STRIP2: variants seen among roughly 807,000 people sequenced by gnomAD.
The protein encoded by STRIP2 is striatin-interacting protein 2.
Under a neutral mutation model 107.1 loss-of-function variants are expected in STRIP2, and 84 were observed. That is an observed-to-expected ratio of 0.78 (90% CI 0.66 to 0.94). The LOEUF (loss-of-function observed/expected upper bound fraction) is 0.94, where lower values mean the gene tolerates loss of function less well. STRIP2 is among the 40% of genes least tolerant of loss of function. The probability of loss-of-function intolerance (pLI) is 0.00; values close to 1 mark genes in which losing one functional copy is unlikely to be tolerated. For missense variants in STRIP2, 888 were observed against 1,034.2 expected (o/e 0.86, Z 1.94); for synonymous variants, 394 against 400.4 (o/e 0.98, Z 0.19).
Position 129,434,582 on chromosome 7 carries a change from G to A in STRIP2, c.110G>A (p.Ser37Asn). The A allele has an allele frequency of 6.6e-7, 1 of 1,514,084 alleles. No homozygotes were observed. The highest frequency in any genetic ancestry group is 8.8e-7 in the Non-Finnish European group (1 of 1,137,378). The allele number at this position is 1,514,084 out of a possible 1,614,324, so 93.8% of individuals were successfully genotyped here. Reference protein sequence around the residue: ...AAPKGREAFRSQRRESEGSVD... With the variant: ...AAPKGREAFRNQRRESEGSVD... The stretch of plus-strand genomic sequence containing the variant: ...CCCAAGGGCCGCGAAGCGTTCCGAA[G>A]CCAGCGGCGGGAGTCAGAGGTGAGG... The change falls in exon 1 of 21, where the codon AGC becomes AAC. Residue 37 changes from serine (S) to asparagine (N), a missense_variant. Physicochemically the swap from Ser to Asn is conservative, Grantham distance 46 (BLOSUM62 1). Transcript: ENST00000249344.
chr7:129,451,238 C>T (rs972661031), intron 3 of STRIP2, among the ~76,000 whole-genome samples: 2 of 151,888 alleles, frequency 1.3e-5, no homozygotes, highest in Admixed American at 6.6e-5. Context: ...CGCACCCGGC[C>T]GAGAAAGGTC....
chr7:129,450,852 T>C (rs1798165180), intron 3 of STRIP2, among the ~76,000 whole-genome samples: 1 of 148,420 alleles, frequency 6.7e-6, no homozygotes, highest in African/African-American at 2.5e-5. Context: ...AAAAATGCTG[T>C]GTCAGAAAAG....
intron 1 of STRIP2, among the ~76,000 whole-genome samples, chr7:129,438,760 A>G (rs186182577): frequency 6.6e-6 from 1 of 152,360 alleles, no homozygotes; most frequent in Admixed American, 6.5e-5. Flanking sequence ...AGCGGTTATC[A>G]TGATCTTCCT....
Position 129,451,720 on chromosome 7 carries a change from G to T in STRIP2, c.382G>T (p.Ala128Ser). The T allele has an allele frequency of 6.2e-7, 1 of 1,613,912 alleles. No individual in the cohort carries two copies. Among genetic ancestry groups the T allele is most frequent in the Non-Finnish European group, 8.5e-7 (1 of 1,180,022 alleles). The change falls in exon 4 of 21, where the codon GCC becomes TCC. Residue 128 changes from alanine to serine, a missense_variant. Physicochemically the swap from Ala to Ser is moderately conservative, Grantham distance 99 (BLOSUM62 1). Transcript: ENST00000249344. ...VVSRERRLKV[A>S]RAVLYLAQGT... ...CAGTAGGGAACGGCGGCTGAAGGTG[G>T]CCCGGGCTGTTCTCTACCTGGCCCA...
chr7:129,453,096 C>T, intron 4 of STRIP2, 131 bp from the exon 5 acceptor site: 1 of 1,330,470 alleles, frequency 7.5e-7, no homozygotes, highest in South Asian at 1.4e-5. Context: ...TTCTTGGGGC[C>T]CCTGTCATAC....
chr7:129,478,886 T>C (rs1799041636), intron 18 of STRIP2, among the ~76,000 whole-genome samples: 1 of 152,234 alleles, frequency 6.6e-6, no homozygotes, highest in Non-Finnish European at 1.5e-5. Flanking sequence ...AGGCTTTTTA[T>C]GCCTCTACCG....
chr7:129,456,555 C>T lies in STRIP2; in HGVS notation c.951C>T (p.Ala317=), dbSNP rs1483845067. Residue 317 remains alanine, a synonymous_variant, in exon 9 of 21, where the codon GCC becomes GCT. Coordinates refer to ENST00000249344, the MANE Select transcript of STRIP2 (RefSeq NM_020704.3). ...SIQVVKSMRA[A]SPPSYTLDLG... is the part of the protein sequence containing the mutation. Reference sequence around the variant, plus strand: ...AGGTGGTGAAGAGCATGCGTGCTGCCTCCCCGCCCTCTTACACTCTTGACC... The same window carrying T: ...AGGTGGTGAAGAGCATGCGTGCTGCTTCCCCGCCCTCTTACACTCTTGACC... 1 of 1,614,022 alleles carries T rather than the reference C, an allele frequency of 6.2e-7. No individual in the cohort carries two copies. Among genetic ancestry groups the T allele is most frequent in the Non-Finnish European group, 8.5e-7 (1 of 1,180,024 alleles).
At chr7:129,444,860 C>T (rs1797993801) in intron 3 of STRIP2, among the ~76,000 whole-genome samples, 1 of 152,018 alleles carries the variant, frequency 6.6e-6, no homozygotes, top group Non-Finnish European at 1.5e-5. Context: ...GTCAATAAAT[C>T]TTATGTCACA....
At position 129,470,691 on chromosome 7, in the gene STRIP2, G is replaced by C; in HGVS notation, c.1920G>C (p.Leu640Phe). ...ATCCTTGCTGTACCATCCAGGATTTGCCGGAGCTTACTACTGAAAGTCTGG... is the reference window on the plus strand; with the variant it reads ...ATCCTTGCTGTACCATCCAGGATTTCCCGGAGCTTACTACTGAAAGTCTGG... The part of the protein sequence containing the change: ...LDYPCCTIQD[L>F]PELTTESLEA... The change falls in exon 18 of 21, where the codon TTG becomes TTC. Residue 640 changes from leucine to phenylalanine, a missense_variant. Physicochemically the swap from Leu to Phe is conservative, Grantham distance 22. Coordinates refer to ENST00000249344, the MANE Select transcript of STRIP2 (RefSeq NM_020704.3). 1.2e-6 allele frequency: 2 copies of C among 1,614,032 alleles called. No homozygotes were observed. The highest frequency in any genetic ancestry group is 1.7e-6 in the Non-Finnish European group (2 of 1,179,886).
intron 18 of STRIP2, among the ~76,000 whole-genome samples, chr7:129,474,017 C>A (rs1798856602): frequency 6.6e-6 from 1 of 152,108 alleles, no homozygotes. Flanking sequence ...GCACGCAGCC[C>A]AGGACATAAT....
Position 129,485,576 on chromosome 7 carries a change from C to T in STRIP2, c.2255-3C>T, listed in dbSNP as rs532628965. 1 of 1,613,632 alleles carries T rather than the reference C, an allele frequency of 6.2e-7. No homozygotes were observed. The highest frequency in any genetic ancestry group is 1.7e-5 in the Admixed American group (1 of 59,946). ...TCTTCTTCTTCCTCTCTTTCCAACA[C>T]AGACATCGATGCCAGACCATGGGAC... On this transcript the variant is annotated splice_polypyrimidine_tract_variant and splice_region_variant and intron_variant, in intron 20 of 20. Transcript: ENST00000249344.
intron 6 of STRIP2, 97 bp from the exon 7 acceptor site, chr7:129,454,324 C>A (rs1798279510): frequency 7.5e-6 from 11 of 1,459,056 alleles, no homozygotes; most frequent in Non-Finnish European, 1.1e-5. Context: ...TAGCTAATCT[C>A]ACTGGGTTGG....
intron 1 of STRIP2, among the ~76,000 whole-genome samples, chr7:129,438,451 C>T (rs552239756): frequency 5.3e-5 from 8 of 152,276 alleles, no homozygotes; most frequent in African/African-American, 1.4e-4. Flanking sequence ...CATAGTGCTA[C>T]GAAGTGCTAG....
intron 17 of STRIP2, 39 bp from the exon 18 acceptor site, chr7:129,470,610 C>T (rs1257138091): frequency 6.5e-7 from 1 of 1,543,002 alleles, no homozygotes; most frequent in Non-Finnish European, 9.0e-7. Flanking sequence ...CTGCTGTTGC[C>T]ATTTACCTAA....
At chr7:129,465,204 T>G (rs1798643347) in intron 16 of STRIP2, among the ~76,000 whole-genome samples, 1 of 152,072 alleles carries the variant, frequency 6.6e-6, no homozygotes, top group South Asian at 2.1e-4. Flanking sequence ...TAGCCAATTA[T>G]AGAGAGATAA....
In STRIP2 at chr7:129,464,078, C is replaced by T. The variant is rs778202089; in HGVS notation, c.1586C>T (p.Pro529Leu). The change falls in exon 15 of 21, where the codon CCC becomes CTC. Residue 529 changes from proline (P) to leucine (L), a missense_variant. Transcript: ENST00000249344. ...CTTAAGATTCTGCTGGCTGCAGCTC[C>T]CACCTCTAAGGCTAAGACAGACTCT... ...ALLKILLAAAPTSKAKTDSIN... is the reference protein window; with the variant it reads ...ALLKILLAAALTSKAKTDSIN... The T allele has an allele frequency of 1.2e-6, 2 of 1,613,632 alleles. No homozygotes were observed. Among genetic ancestry groups the T allele is most frequent in the Admixed American group, 1.7e-5 (1 of 60,014 alleles).
intron 3 of STRIP2, among the ~76,000 whole-genome samples, chr7:129,450,386 A>G: frequency 6.6e-6 from 1 of 152,190 alleles, no homozygotes; most frequent in East Asian, 1.9e-4. Flanking sequence ...GAGTAGAAGC[A>G]TGAGAAGCTG....
Position 129,455,245 on chromosome 7 carries a change from C to T in STRIP2, c.708C>T (p.Ser236=). 1 of 1,612,696 alleles carries T rather than the reference C, an allele frequency of 6.2e-7. No individual in the cohort carries two copies. The highest frequency in any genetic ancestry group is 8.5e-7 in the Non-Finnish European group (1 of 1,179,380). ...ACTCCCCTCTCTCCTCACCCCTAGG[C>T]TTCTCCATGCATAATGAGGAGCCTT... ...TARETFRTEL[S]FSMHNEEPFA... The change falls in exon 8 of 21, where the codon AGC becomes AGT. Residue 236 remains serine (S), a splice_region_variant and synonymous_variant. Transcript: ENST00000249344.
At chr7:129,482,731 T>C in intron 19 of STRIP2, 111 bp from the exon 20 acceptor site, 1 of 1,312,182 alleles carries the variant, frequency 7.6e-7, no homozygotes, top group Non-Finnish European at 1.1e-6. Flanking sequence ...CATAGATTCC[T>C]GAAAGCTCCC....
Sources: gnomAD v4.1 joint callset for allele counts (sites outside exome capture counted in the v4.1 genomes callset) on GRCh38, gnomAD v4.1.1 for gene constraint, MANE v1.5 for transcripts, NCBI Gene and HGNC (gene_info 2026-07-23, HGNC 2026-07-21) for gene names.